The following PITPNC1 variants were observed in gnomAD, a reference collection of about 807,000 sequenced individuals.
PITPNC1 encodes the protein phosphatidylinositol transfer protein cytoplasmic 1.
A neutral mutation model predicts 44.7 loss-of-function variants in PITPNC1; 18 were observed. The ratio of observed to expected loss-of-function variants is 0.40; its 90% CI spans 0.28 to 0.60. The LOEUF (loss-of-function observed/expected upper bound fraction) is 0.60, where lower values mean the gene tolerates loss of function less well. Ranked by LOEUF, PITPNC1 falls within the 20% of genes least tolerant of loss-of-function variation. The probability of loss-of-function intolerance (pLI) is 0.39; values close to 1 mark genes in which losing one functional copy is unlikely to be tolerated. For synonymous variants in PITPNC1, 141 were observed against 149.6 expected (o/e 0.94, Z 0.42); for missense variants, 290 against 418.4 (o/e 0.69, Z 2.68).
intron 1 of PITPNC1, among the ~76,000 whole-genome samples, chr17:67,458,766 C>T (rs73342140): frequency 0.019 from 2,905 of 151,966 alleles, 107 homozygotes; most frequent in African/African-American, 0.067. Flanking sequence ...TATTTTTTTT[C>T]CGTGGGAATC....
chr17:67,449,366 T>C (rs1477789725), intron 1 of PITPNC1, among the ~76,000 whole-genome samples: 1 of 152,166 alleles, frequency 6.6e-6, no homozygotes, highest in Non-Finnish European at 1.5e-5. Context: ...GAAGCTTAGA[T>C]TGGGTATTGT....
chr17:67,500,183 A>G (rs942771432), intron 1 of PITPNC1, among the ~76,000 whole-genome samples: 57 of 152,278 alleles, frequency 3.7e-4, no homozygotes, highest in African/African-American at 1.3e-3. Flanking sequence ...TTGTTTTGTC[A>G]GTTTTCGGCA....
At chr17:67,417,908 G>A (rs567708514) in intron 1 of PITPNC1, among the ~76,000 whole-genome samples, 1 of 152,246 alleles carries the variant, frequency 6.6e-6, no homozygotes, top group South Asian at 2.1e-4. Context: ...GCTGGGAGTG[G>A]TGGCACACAT....
At chr17:67,495,040 G>GTTTTTTTT (rs879366971) in intron 1 of PITPNC1, among the ~76,000 whole-genome samples, 925 of 64,686 alleles carry the variant, frequency 0.014, 187 homozygotes, top group East Asian at 0.021. Context: ...CCATGGAGTT[G>GTTTTTTTT]TTTTTTTTTT....
intron 1 of PITPNC1, among the ~76,000 whole-genome samples, chr17:67,453,608 C>T (rs1279212844): frequency 6.6e-6 from 1 of 152,076 alleles, no homozygotes; most frequent in Non-Finnish European, 1.5e-5. Flanking sequence ...CTTTGTGGGC[C>T]AAGAGAAAAC....
intron 1 of PITPNC1, among the ~76,000 whole-genome samples, chr17:67,503,099 A>G (rs527369822): frequency 6.6e-6 from 1 of 152,182 alleles, no homozygotes; most frequent in East Asian, 1.9e-4. Context: ...CCCAGGCTCT[A>G]TTTCTTTTTA....
At chr17:67,440,787 A>G (rs1467453160) in intron 1 of PITPNC1, among the ~76,000 whole-genome samples, 1 of 151,730 alleles carries the variant, frequency 6.6e-6, no homozygotes, top group Non-Finnish European at 1.5e-5. Flanking sequence ...GGCTCAAGAA[A>G]TCTGCCCACC....
intron 1 of PITPNC1, among the ~76,000 whole-genome samples, chr17:67,451,049 G>T (rs115555174): frequency 6.6e-6 from 1 of 151,682 alleles, no homozygotes; most frequent in African/African-American, 2.4e-5. Context: ...TCCTTTTTTT[G>T]AGACAGAGTT....
At chr17:67,462,092 G>A (rs2039345812) in intron 1 of PITPNC1, among the ~76,000 whole-genome samples, 1 of 151,640 alleles carries the variant, frequency 6.6e-6, no homozygotes, top group Admixed American at 6.6e-5. Context: ...TGCTGTTGGT[G>A]GTTGTCTTAG....
chr17:67,556,505 T>C (rs897149227), intron 4 of PITPNC1, among the ~76,000 whole-genome samples: 1 of 152,162 alleles, frequency 6.6e-6, no homozygotes, highest in Non-Finnish European at 1.5e-5. Flanking sequence ...GTGGAAGAAC[T>C]GGTCTCAGAG....
At chr17:67,379,135 A>G in intron 1 of PITPNC1, 1 of 985,914 alleles carries the variant, frequency 1.0e-6, no homozygotes, top group South Asian at 4.7e-5. Flanking sequence ...GTCTCTGTCC[A>G]GGGACAGCGA....
chr17:67,402,084 C>G (rs527566041), intron 1 of PITPNC1, among the ~76,000 whole-genome samples: 10 of 152,172 alleles, frequency 6.6e-5, no homozygotes, highest in Admixed American at 2.0e-4. Flanking sequence ...GACTTGCAAG[C>G]CGTAAGGTCT....
At chr17:67,515,341 C>T (rs529285544) in intron 1 of PITPNC1, among the ~76,000 whole-genome samples, 48 of 152,324 alleles carry the variant, frequency 3.2e-4, no homozygotes, top group African/African-American at 1.1e-3. Flanking sequence ...TGATTCGTTT[C>T]TGGAGCCTCT....
rs2041475478 is a variant in PITPNC1, at chr17:67,597,508, C to G, written c.366+19251C>G. ...GGTGGAGGTTGCAGTGAGCTGAGAT[C>G]ATGCTGCTGTACTCCAGCCTAGGCG... On this transcript the variant is annotated intron_variant, in intron 5 of 8. Transcript: ENST00000581322. This position sits in a 1 kb window ranked among gnomAD's most constrained non-coding sequence, Gnocchi z 4.0. Among the ~76,000 whole-genome samples, 1 of 152,044 alleles carries G rather than the reference C, an allele frequency of 6.6e-6. No individual in the cohort carries two copies. The highest frequency in any genetic ancestry group is 2.4e-5 in the African/African-American group (1 of 41,406).
chr17:67,439,918 GCAAA>G (rs911510961), intron 1 of PITPNC1, among the ~76,000 whole-genome samples: 5 of 152,080 alleles, frequency 3.3e-5, no homozygotes, highest in Admixed American at 6.6e-5. Context: ...AAACAAAAAA[GCAAA>G]CAAACAAGTT....
intron 2 of PITPNC1, among the ~76,000 whole-genome samples, chr17:67,547,362 A>T (rs994881541): frequency 2.6e-5 from 4 of 152,096 alleles, no homozygotes; most frequent in Non-Finnish European, 5.9e-5. Flanking sequence ...CAGAAAATTT[A>T]AAAATTAGCT....
intron 4 of PITPNC1, among the ~76,000 whole-genome samples, chr17:67,572,359 G>C (rs1568045806): frequency 6.6e-6 from 1 of 150,520 alleles, no homozygotes; most frequent in Non-Finnish European, 1.5e-5. Context: ...GAATGACTAG[G>C]TTAGATGGTA....
At chr17:67,469,624 A>T (rs1487812248) in intron 1 of PITPNC1, among the ~76,000 whole-genome samples, 1 of 152,152 alleles carries the variant, frequency 6.6e-6, no homozygotes, top group African/African-American at 2.4e-5. Context: ...GGTGCGGGTC[A>T]TCAGGGCCCT....
intron 5 of PITPNC1, chr17:67,612,745 A>C (rs879219208): frequency 1.3e-5 from 2 of 152,036 alleles, no homozygotes; most frequent in Admixed American, 1.3e-4. Flanking sequence ...GTGGATGTGG[A>C]GATCAGAGTC....
Sources: gnomAD v4.1 joint callset for allele counts (sites outside exome capture counted in the v4.1 genomes callset) on GRCh38, gnomAD v4.1.1 for gene constraint, Gnocchi (gnomAD v3.1) non-coding constraint, MANE v1.5 for transcripts, NCBI Gene and HGNC (gene_info 2026-07-23, HGNC 2026-07-21) for gene names.